The following TNKS variants were observed in gnomAD, a reference collection of about 807,000 sequenced individuals.
The protein encoded by TNKS is tankyrase, also known as poly [ADP-ribose] polymerase tankyrase-1.
TNKS carries 72 observed loss-of-function variants against 135.8 expected under a neutral mutation model. The ratio of observed to expected loss-of-function variants is 0.53; its 90% CI spans 0.44 to 0.64. The LOEUF (loss-of-function observed/expected upper bound fraction) is 0.64, where lower values mean the gene tolerates loss of function less well. Among genes scored for constraint, TNKS ranks in the 30% least tolerant of loss-of-function variants. The pLI, the probability that TNKS is intolerant of heterozygous loss-of-function variation, is 0.00. For missense variants in TNKS, 1,769 were observed against 1,674.0 expected, an observed-to-expected ratio of 1.06 and a Z score of -0.99; for synonymous variants, 849 against 649.3, an observed-to-expected ratio of 1.31 and a Z score of -4.68.
intron 11 of TNKS, among the ~76,000 whole-genome samples, chr8:9,711,661 T>C (rs1306344078): frequency 6.6e-6 from 1 of 152,194 alleles, no homozygotes; most frequent in Non-Finnish European, 1.5e-5. Flanking sequence ...TGACCATGAC[T>C]TGCATGTAGA....
chr8:9,747,981 T>A (rs969555394), intron 17 of TNKS, 43 bp from the exon 18 acceptor site: 1 of 1,544,494 alleles, frequency 6.5e-7, no homozygotes, highest in Non-Finnish European at 8.8e-7. Flanking sequence ...CTTTACCAGA[T>A]GATCTCATTC....
chr8:9,706,396 C>T lies in TNKS; in HGVS notation c.1269+143C>T, dbSNP rs1034091339. 101 of 643,388 alleles carry T rather than the reference C, an allele frequency of 1.6e-4. 1 individual carries two copies. In the East Asian group the frequency reaches 3.2e-3, roughly 21 times the overall value. 39.9% of individuals were successfully genotyped at this position (643,388 alleles called of 1,614,324 possible). A position where few individuals can be genotyped will look rare whatever the true frequency, so the allele number is the denominator to read the frequency against. ...TTGTTTGTTTTGAGACAGGGTCTTG[C>T]CCTGTCACCCAGGCTGGAGTGCAGT... On this transcript the variant is annotated intron_variant, in intron 7 of 26. Coordinates refer to ENST00000310430, the MANE Select transcript of TNKS (RefSeq NM_003747.3).
At chr8:9,608,172 C>T (rs1022650971) in intron 2 of TNKS, among the ~76,000 whole-genome samples, 2 of 152,114 alleles carry the variant, frequency 1.3e-5, no homozygotes, top group Admixed American at 6.5e-5. Context: ...AACTCCTAGG[C>T]TTAAGCAATT....
intron 13 of TNKS, among the ~76,000 whole-genome samples, chr8:9,730,394 A>T (rs1034829263): frequency 6.6e-6 from 1 of 152,214 alleles, no homozygotes; most frequent in Non-Finnish European, 1.5e-5. Flanking sequence ...GCTTTGCTAC[A>T]GTCAATCAAA....
chr8:9,725,589 A>G (rs1310240907), intron 12 of TNKS, among the ~76,000 whole-genome samples: 1 of 152,168 alleles, frequency 6.6e-6, no homozygotes, highest in Admixed American at 6.5e-5. Context: ...AGATAATACA[A>G]TCTTAGATCT....
chr8:9,560,853 C>G (rs1380896861), intron 1 of TNKS, among the ~76,000 whole-genome samples: 2 of 151,564 alleles, frequency 1.3e-5, no homozygotes, highest in Admixed American at 6.6e-5. Flanking sequence ...CTGAAGGTAC[C>G]TCTTTAAAAA....
intron 2 of TNKS, among the ~76,000 whole-genome samples, chr8:9,611,222 C>A (rs570805330): frequency 6.6e-6 from 1 of 152,186 alleles, no homozygotes; most frequent in Non-Finnish European, 1.5e-5. Flanking sequence ...AAATCACTTA[C>A]TCTCTGGAAT....
intron 1 of TNKS, among the ~76,000 whole-genome samples, chr8:9,568,603 G>A (rs1224078583): frequency 2.0e-5 from 3 of 152,120 alleles, no homozygotes; most frequent in Non-Finnish European, 4.4e-5. Flanking sequence ...ATAATGAGAA[G>A]CAGCATTATT....
chr8:9,770,640 A>T (rs1035963808), intron 26 of TNKS, among the ~76,000 whole-genome samples: 1 of 152,256 alleles, frequency 6.6e-6, no homozygotes, highest in African/African-American at 2.4e-5. Flanking sequence ...GTCCAAAAAC[A>T]AAAACAATTT....
intron 3 of TNKS, among the ~76,000 whole-genome samples, chr8:9,649,560 C>T (rs1469116860): frequency 3.3e-5 from 5 of 152,002 alleles, no homozygotes; most frequent in African/African-American, 7.3e-5. Flanking sequence ...CTGAGATTTT[C>T]GTGCACCTGT....
Position 9,735,143 on chromosome 8 carries a change from T to C in TNKS, c.2533+59T>C, listed in dbSNP as rs114750180. On this transcript the variant is annotated intron_variant, in intron 16 of 26. Transcript: ENST00000310430. ...CCTTTCTCGGACACCTAATACAGTT[T>C]ACTAAAAGACGAAAGCCATGCTGAA... The C allele has an allele frequency of 6.9e-4, 1,051 of 1,518,000 alleles. 5 individuals are homozygous for C. The African/African-American group carries it at 0.012, about 17-fold the overall frequency. The allele number at this position is 1,518,000 out of a possible 1,614,324, so 94.0% of individuals were successfully genotyped here.
chr8:9,628,898 C>G (rs535496845), intron 3 of TNKS, among the ~76,000 whole-genome samples: 10 of 152,276 alleles, frequency 6.6e-5, no homozygotes, highest in African/African-American at 2.4e-4. Context: ...CTTTCCCTCT[C>G]GGGAAATATT....
chr8:9,746,355 A>T (rs780018984), intron 17 of TNKS, among the ~76,000 whole-genome samples: 3 of 152,154 alleles, frequency 2.0e-5, no homozygotes, highest in Non-Finnish European at 2.9e-5. Context: ...GTCTTAGCTT[A>T]TTTTATAAGG....
At chr8:9,593,631 C>G (rs1366503506) in intron 2 of TNKS, among the ~76,000 whole-genome samples, 1 of 152,138 alleles carries the variant, frequency 6.6e-6, no homozygotes, top group East Asian at 1.9e-4. Context: ...TAAAGTAATA[C>G]CTCTCTGTTA....
chr8:9,710,106 G>T, intron 10 of TNKS, 36 bp from the exon 11 acceptor site: 1 of 1,612,008 alleles, frequency 6.2e-7, no homozygotes, highest in Non-Finnish European at 8.5e-7. Flanking sequence ...ATAAAAGAGA[G>T]ACAATTACCT....
At chr8:9,772,755 C>T (rs1432939892) in intron 26 of TNKS, among the ~76,000 whole-genome samples, 1 of 149,518 alleles carries the variant, frequency 6.7e-6, no homozygotes, top group African/African-American at 2.5e-5. Flanking sequence ...GATAAAGGAC[C>T]ATGATGATGT....
chr8:9,626,486 GA>G (rs1800058568), intron 3 of TNKS, among the ~76,000 whole-genome samples: 1 of 152,200 alleles, frequency 6.6e-6, no homozygotes, highest in Non-Finnish European at 1.5e-5. Flanking sequence ...GTAGCAATAG[GA>G]AACTAGTACA....
At chr8:9,765,044 C>G (rs1807352181) in intron 23 of TNKS, among the ~76,000 whole-genome samples, 1 of 152,188 alleles carries the variant, frequency 6.6e-6, no homozygotes, top group Non-Finnish European at 1.5e-5. Flanking sequence ...ACTAGTGATA[C>G]TTACGTGGAT....
chr8:9,774,630 A>G (rs1808120594), intron 26 of TNKS, among the ~76,000 whole-genome samples: 2 of 152,148 alleles, frequency 1.3e-5, no homozygotes, highest in South Asian at 4.1e-4. Context: ...CTGGACTGTA[A>G]TTGATTAATT....
Sources: allele counts gnomAD v4.1 joint callset (sites outside exome capture counted in the v4.1 genomes callset), GRCh38; gene constraint gnomAD v4.1.1; transcripts MANE v1.5; gene names NCBI Gene and HGNC (gene_info 2026-07-23, HGNC 2026-07-21).